The following ANKFN1 variants were observed in gnomAD, a reference collection of about 807,000 sequenced individuals.
The protein encoded by ANKFN1 is ankyrin repeat and fibronectin type III domain containing 1.
Under a neutral mutation model 108.7 loss-of-function variants are expected in ANKFN1, and 74 were observed. The ratio of observed to expected loss-of-function variants is 0.68; its 90% CI spans 0.56 to 0.83. The LOEUF is 0.83. Among genes scored for constraint, ANKFN1 ranks in the 40% least tolerant of loss-of-function variants. The pLI is 0.00. For synonymous variants in ANKFN1, 547 were observed against 516.2 expected, an observed-to-expected ratio of 1.06 and a Z score of -0.81; for missense variants, 1,505 against 1,382.3, an observed-to-expected ratio of 1.09 and a Z score of -1.41.
chr17:56,348,355 T>C (rs2046159826), intron 4 of ANKFN1, among the ~76,000 whole-genome samples: 1 of 152,068 alleles, frequency 6.6e-6, no homozygotes, highest in Non-Finnish European at 1.5e-5. Context: ...ATTACTAAGA[T>C]TGACTAAGTA....
chr17:56,374,702 A>G lies in ANKFN1; in HGVS notation c.898A>G (p.Thr300Ala), dbSNP rs201102563. 4 of 1,612,924 alleles carry G rather than the reference A, an allele frequency of 2.5e-6. No individual in the cohort carries two copies. In the East Asian group the frequency reaches 6.7e-5, roughly 27 times the overall value. Residue 300 changes from threonine (T) to alanine (A), a missense_variant, in exon 8 of 21, where the codon ACC becomes GCC. By Grantham distance (58) the Thr-to-Ala change is moderately conservative (BLOSUM62 0). Transcript: ENST00000682825. ...TCTTAGCGTCAATGCAGCTGTAGTAACCAGGTATAAAGGTACTGGACCCAA... is the reference window on the plus strand; with the variant it reads ...TCTTAGCGTCAATGCAGCTGTAGTAGCCAGGTATAAAGGTACTGGACCCAA... Reference protein sequence around the residue: ...EPLSVNAAVVTRYKVEWSMSE... With the variant: ...EPLSVNAAVVARYKVEWSMSE...
At chr17:56,496,274 T>C (rs1352809666) in intron 19 of ANKFN1, among the ~76,000 whole-genome samples, 3 of 152,184 alleles carry the variant, frequency 2.0e-5, no homozygotes, top group African/African-American at 7.2e-5. Context: ...ATTTCTACGC[T>C]AAATCCCTCT....
chr17:56,092,496 G>A (rs534462677), intron 4 of ANKFN1, among the ~76,000 whole-genome samples: 20 of 150,844 alleles, frequency 1.3e-4, no homozygotes, highest in African/African-American at 2.2e-4. Context: ...GGATGGTCTC[G>A]ATCTCCTGAC....
intron 1 of ANKFN1, among the ~76,000 whole-genome samples, chr17:56,200,563 G>A (rs565638039): frequency 7.2e-5 from 11 of 152,176 alleles, no homozygotes; most frequent in South Asian, 2.1e-4. Flanking sequence ...GATGCAGCAC[G>A]TCCAAGGTCC....
chr17:56,422,782 G>A lies in ANKFN1; in HGVS notation c.911-17545G>A, dbSNP rs191080823. Among the ~76,000 whole-genome samples, 28 of 152,224 alleles carry A rather than the reference G, an allele frequency of 1.8e-4. No individual in the cohort carries two copies. The East Asian group carries it at 5.0e-3, about 27-fold the overall frequency. ...TTGACCCAATGCTAAAAATGTTTTA[G>A]CATTTTCCACTAAAAAAAATGGAGG... On this transcript the variant is annotated intron_variant, in intron 8 of 20. Transcript: ENST00000682825.
chr17:56,237,369 CTT>C (rs1268327279), intron 3 of ANKFN1, among the ~76,000 whole-genome samples: 1 of 152,144 alleles, frequency 6.6e-6, no homozygotes, highest in East Asian at 1.9e-4. Context: ...TTTTACATCT[CTT>C]TGTACATCTG....
chr17:56,433,938 A>C (rs1398943835), intron 8 of ANKFN1, among the ~76,000 whole-genome samples: 1 of 152,186 alleles, frequency 6.6e-6, no homozygotes, highest in East Asian at 1.9e-4. Context: ...TTCTCTGCTG[A>C]GGCAGGAGAA....
At chr17:56,155,688 G>A (rs1457786236) in intron 1 of ANKFN1, among the ~76,000 whole-genome samples, 3 of 152,158 alleles carry the variant, frequency 2.0e-5, no homozygotes, top group Non-Finnish European at 4.4e-5. Context: ...TTAAGGCAAA[G>A]CAAGGTGCCT....
chr17:56,080,997 A>G (rs896399428), intron 4 of ANKFN1, among the ~76,000 whole-genome samples: 3 of 152,158 alleles, frequency 2.0e-5, no homozygotes, highest in African/African-American at 7.2e-5. Flanking sequence ...TGCAGGGTTG[A>G]GGGGCAACTC....
At position 56,059,337 on chromosome 17, in the gene ANKFN1, T is replaced by C. The variant is rs370577173; in HGVS notation, c.288+13012T>C. Among the ~76,000 whole-genome samples the C allele has an allele frequency of 1.3e-4, 20 of 152,366 alleles. 1 individual carries two copies. The highest frequency in any genetic ancestry group is 4.8e-4 in the African/African-American group (20 of 41,584). ...TTGTAAATTCTGGATATTAGACCTTTGTCAGATGGGCAGCTTGCAAAAATG... is the reference window on the plus strand; with the variant it reads ...TTGTAAATTCTGGATATTAGACCTTCGTCAGATGGGCAGCTTGCAAAAATG... On this transcript the variant is annotated intron_variant, in intron 4 of 12. Transcript: ENST00000635860.
intron 15 of ANKFN1, among the ~76,000 whole-genome samples, chr17:56,469,874 T>C (rs2050255878): frequency 6.6e-6 from 1 of 152,082 alleles, no homozygotes; most frequent in African/African-American, 2.4e-5. Context: ...CTGCTGCACC[T>C]ATCAATCCAT....
At chr17:56,496,735 T>G (rs1309694926) in intron 19 of ANKFN1, among the ~76,000 whole-genome samples, 1 of 152,142 alleles carries the variant, frequency 6.6e-6, no homozygotes, top group Admixed American at 6.5e-5. Flanking sequence ...TAATCATATC[T>G]TTTGCCATAT....
At chr17:56,455,420 C>A (rs890733736) in intron 11 of ANKFN1, among the ~76,000 whole-genome samples, 3 of 152,158 alleles carry the variant, frequency 2.0e-5, no homozygotes, top group Non-Finnish European at 4.4e-5. Flanking sequence ...TAACCATTAC[C>A]AACGTAAGCT....
intron 3 of ANKFN1, among the ~76,000 whole-genome samples, chr17:56,247,531 C>A (rs1464267576): frequency 6.6e-6 from 1 of 152,066 alleles, no homozygotes; most frequent in Non-Finnish European, 1.5e-5. Context: ...TTATTAGGTG[C>A]CAGGCATTAA....
chr17:56,440,133 A>T (rs1014166864), intron 8 of ANKFN1, among the ~76,000 whole-genome samples, 194 bp from the exon 9 acceptor site: 1 of 151,882 alleles, frequency 6.6e-6, no homozygotes, highest in South Asian at 2.1e-4. Context: ...CTCTTCTTTT[A>T]AAAAAAATGT....
At chr17:56,294,620 T>C (rs978625716) in intron 3 of ANKFN1, among the ~76,000 whole-genome samples, 1 of 152,232 alleles carries the variant, frequency 6.6e-6, no homozygotes, top group Non-Finnish European at 1.5e-5. Flanking sequence ...CATTCTACTT[T>C]ACCAGAATAG....
chr17:56,131,247 T>C (rs186165622), intron 4 of ANKFN1, among the ~76,000 whole-genome samples: 2 of 152,342 alleles, frequency 1.3e-5, no homozygotes, highest in East Asian at 3.9e-4. Flanking sequence ...ATGCTGTTTA[T>C]TATTTTCTTT....
At chr17:56,297,579 A>C (rs2044551419) in intron 3 of ANKFN1, among the ~76,000 whole-genome samples, 2 of 152,210 alleles carry the variant, frequency 1.3e-5, no homozygotes, top group South Asian at 2.1e-4. Context: ...TCCATTGTAG[A>C]AGTCACTGGT....
chr17:56,445,947 A>G (rs2049273467), intron 10 of ANKFN1, among the ~76,000 whole-genome samples: 1 of 152,054 alleles, frequency 6.6e-6, no homozygotes, highest in South Asian at 2.1e-4. Flanking sequence ...TTTTCCTACC[A>G]TGCTAAGTTT....
Sources: allele counts gnomAD v4.1 joint callset (sites outside exome capture counted in the v4.1 genomes callset), GRCh38; gene constraint gnomAD v4.1.1; transcripts MANE v1.5; gene names NCBI Gene and HGNC (gene_info 2026-07-23, HGNC 2026-07-21).